The following PPARD variants were observed in gnomAD, a reference collection of about 807,000 sequenced individuals.
PPARD encodes peroxisome proliferator-activated receptor delta.
Under a neutral mutation model 39.5 loss-of-function variants are expected in PPARD, and 6 were observed. That is an observed-to-expected ratio of 0.15 (90% CI 0.08 to 0.30). PPARD has a LOEUF of 0.30. Among genes scored for constraint, PPARD ranks in the 10% least tolerant of loss-of-function variants. PPARD has a pLI of 1.00. For missense variants in PPARD, 397 were observed against 596.8 expected (o/e 0.67, Z 3.49); for synonymous variants, 210 against 231.3 (o/e 0.91, Z 0.83).
intron 3 of PPARD, among the ~76,000 whole-genome samples, chr6:35,417,521 G>T (rs572538535): frequency 6.6e-6 from 1 of 151,832 alleles, no homozygotes; most frequent in South Asian, 2.1e-4. Flanking sequence ...TAATCCTCCT[G>T]CCTTGGCCTC....
At chr6:35,409,731 C>T (rs746210862) in intron 2 of PPARD, among the ~76,000 whole-genome samples, 1 of 152,122 alleles carries the variant, frequency 6.6e-6, no homozygotes, top group Non-Finnish European at 1.5e-5. Flanking sequence ...TCAAGTAGGC[C>T]CCGAGGTTAT....
At chr6:35,386,194 G>T (rs1763645563) in intron 2 of PPARD, among the ~76,000 whole-genome samples, 1 of 152,078 alleles carries the variant, frequency 6.6e-6, no homozygotes, top group Admixed American at 6.5e-5. Flanking sequence ...GGAGAAAGCA[G>T]TGTTCCTCTG....
chr6:35,343,706 C>T (rs529185591), intron 1 of PPARD, among the ~76,000 whole-genome samples: 4 of 152,330 alleles, frequency 2.6e-5, no homozygotes, highest in Admixed American at 1.3e-4. Flanking sequence ...TGTTGACTTC[C>T]AGGAACCCTT....
At chr6:35,350,190 T>C (rs187939970) in intron 2 of PPARD, among the ~76,000 whole-genome samples, 1 of 152,370 alleles carries the variant, frequency 6.6e-6, no homozygotes, top group Non-Finnish European at 1.5e-5. Context: ...AAATATTTTC[T>C]CTCATTCTGT....
Position 35,365,130 on chromosome 6 carries a change from C to CTTTTTTTTTTTTTT in PPARD, c.-102+17987_-102+18000dup, listed in dbSNP as rs551946022. 1.6e-3 allele frequency among the ~76,000 whole-genome samples: 192 copies of CTTTTTTTTTTTTTT among 121,030 alleles called. 2 individuals are homozygous for CTTTTTTTTTTTTTT. The highest frequency in any genetic ancestry group is 3.7e-3 in the African/African-American group (108 of 29,058). The allele number at this position is 121,030 out of a possible 152,430, so 79.4% of individuals were successfully genotyped here. On this transcript the variant is annotated intron_variant, in intron 2 of 7. Coordinates refer to ENST00000360694, the MANE Select transcript of PPARD (RefSeq NM_006238.5). Reference sequence around the variant, plus strand: ...ACCAGACATGTAGAGCTTCCTTATTCTTTTTTTTTTTTTTTTTTTTGAGAT... The same window carrying CTTTTTTTTTTTTTT: ...ACCAGACATGTAGAGCTTCCTTATTCTTTTTTTTTTTTTTTTTTTTTTTTTTTTTTTTTTGAGAT...
chr6:35,368,868 A>G (rs1762339662), intron 2 of PPARD, among the ~76,000 whole-genome samples: 1 of 152,222 alleles, frequency 6.6e-6, no homozygotes, highest in African/African-American at 2.4e-5. Flanking sequence ...CTCTTCCAGC[A>G]GTCAGCAGAC....
intron 2 of PPARD, among the ~76,000 whole-genome samples, chr6:35,375,511 C>T (rs1040798812): frequency 9.9e-5 from 15 of 151,716 alleles, no homozygotes; most frequent in East Asian, 3.9e-4. Context: ...CCACTGCTCC[C>T]GGCCCGGAAT....
intron 3 of PPARD, among the ~76,000 whole-genome samples, chr6:35,411,576 C>G (rs1162808500): frequency 1.3e-5 from 2 of 152,214 alleles, no homozygotes; most frequent in Non-Finnish European, 2.9e-5. Context: ...TCTCCACTAA[C>G]AGCACACTAG....
Position 35,378,999 on chromosome 6 carries a change from A to C in PPARD, c.-102+31849A>C, listed in dbSNP as rs563367830. The stretch of plus-strand genomic sequence containing the variant: ...TCTCATGAGAGTGATGAACAATGAC[A>C]GCACCAACTCTCAATTCCCTTGGCT... On this transcript the variant is annotated intron_variant, in intron 2 of 7. Transcript: ENST00000360694. Among the ~76,000 whole-genome samples the C allele has an allele frequency of 1.7e-3, 260 of 152,266 alleles. 1 individual carries two copies. The highest frequency in any genetic ancestry group is 5.8e-3 in the African/African-American group (241 of 41,558).
At chr6:35,422,953 C>T (rs1398957022) in intron 5 of PPARD, among the ~76,000 whole-genome samples, 1 of 147,524 alleles carries the variant, frequency 6.8e-6, no homozygotes, top group East Asian at 2.0e-4. Flanking sequence ...TGCAGTGGCT[C>T]ACACCTGTAA....
rs1766515977 is a variant in PPARD, at chr6:35,425,557, A to C, written c.1079-275A>C. 6.6e-6 allele frequency among the ~76,000 whole-genome samples: 1 copy of C among 152,118 alleles called. No homozygotes were observed. Among genetic ancestry groups the C allele is most frequent in the African/African-American group, 2.4e-5 (1 of 41,422 alleles). On this transcript the variant is annotated intron_variant, in intron 7 of 7. Transcript: ENST00000360694. The surrounding 1 kb of genome is among the most constrained non-coding windows in gnomAD (Gnocchi z 4.5). ...CCTGCCTATAGCCTCACAGGCAGAC[A>C]CAGGATTTGAATTAAGCATTGAGTC...
In PPARD at chr6:35,425,936, C is replaced by A; in HGVS notation, c.1183C>A (p.Leu395Ile). ...LQANHPDAQY[L>I]FPKLLQKMAD... ...GGCCAACCACCCTGATGCCCAGTAC[C>A]TCTTCCCCAAGCTGCTGCAGAAGAT... Residue 395 changes from leucine to isoleucine, a missense_variant, in exon 8 of 8, where the codon CTC (leucine) becomes ATC (isoleucine). Coordinates refer to ENST00000360694, the MANE Select transcript of PPARD (RefSeq NM_006238.5). The surrounding 1 kb of genome is among the most constrained non-coding windows in gnomAD (Gnocchi z 4.5). The A allele has an allele frequency of 6.2e-7, 1 of 1,614,176 alleles. No homozygotes were observed. The highest frequency in any genetic ancestry group is 8.5e-7 in the Non-Finnish European group (1 of 1,180,030).
At chr6:35,350,952 C>G (rs1305105543) in intron 2 of PPARD, among the ~76,000 whole-genome samples, 1 of 108,476 alleles carries the variant, frequency 9.2e-6, no homozygotes, top group African/African-American at 2.5e-5. Context: ...TTGAAGTCAA[C>G]TTTAGAATAT....
At chr6:35,387,665 G>T (rs1420545330) in intron 2 of PPARD, among the ~76,000 whole-genome samples, 1 of 148,794 alleles carries the variant, frequency 6.7e-6, no homozygotes, top group African/African-American at 2.5e-5. Flanking sequence ...TTTTTTGATT[G>T]AGTGTATCTT....
intron 2 of PPARD, among the ~76,000 whole-genome samples, chr6:35,372,436 C>T (rs1762535662): frequency 6.6e-6 from 1 of 152,218 alleles, no homozygotes; most frequent in Non-Finnish European, 1.5e-5. Flanking sequence ...ACCTTGGCTT[C>T]CCAAAGTGCT....
intron 2 of PPARD, among the ~76,000 whole-genome samples, chr6:35,396,913 A>G (rs1357557647): frequency 6.6e-6 from 1 of 152,018 alleles, no homozygotes; most frequent in Non-Finnish European, 1.5e-5. Context: ...CTCCCATCTC[A>G]ACCTCCCTGC....
intron 1 of PPARD, among the ~76,000 whole-genome samples, chr6:35,343,144 C>T (rs1791956733): frequency 6.6e-6 from 1 of 152,124 alleles, no homozygotes; most frequent in African/African-American, 2.4e-5. Flanking sequence ...GGATCTTTTC[C>T]TCTGTCCCCC....
intron 3 of PPARD, among the ~76,000 whole-genome samples, chr6:35,419,310 T>G (rs745916769): frequency 6.6e-6 from 1 of 152,140 alleles, no homozygotes; most frequent in Non-Finnish European, 1.5e-5. Context: ...CTTTCCAAGA[T>G]GAAGAGATCA....
intron 1 of PPARD, among the ~76,000 whole-genome samples, chr6:35,344,043 C>A (rs1482655849): frequency 5.9e-5 from 9 of 152,064 alleles, no homozygotes; most frequent in African/African-American, 1.7e-4. Flanking sequence ...CTGGGGCTGG[C>A]GGGCATCTGT....
Sources: allele counts gnomAD v4.1 joint callset (sites outside exome capture counted in the v4.1 genomes callset), GRCh38; gene constraint gnomAD v4.1.1; non-coding constraint Gnocchi (gnomAD v3.1); transcripts MANE v1.5; gene names NCBI Gene and HGNC (gene_info 2026-07-23, HGNC 2026-07-21).